ZNF385B: variants seen among roughly 807,000 people sequenced by gnomAD.
ZNF385B encodes zinc finger protein 533.
In ZNF385B, 23 loss-of-function variants were observed where a neutral mutation model predicts 39.2. The observed-to-expected ratio is 0.59, with a 90% confidence interval of 0.42 to 0.83. The LOEUF is 0.83. Ranked by LOEUF, ZNF385B falls within the 40% of genes least tolerant of loss-of-function variation. ZNF385B has a pLI of 0.00. For missense variants in ZNF385B, 552 were observed against 598.9 expected, an observed-to-expected ratio of 0.92 and a Z score of 0.82; for synonymous variants, 205 against 222.6, an observed-to-expected ratio of 0.92 and a Z score of 0.70.
At chr2:179,858,940 G>A (rs1559258082) in intron 1 of ZNF385B, among the ~76,000 whole-genome samples, 1 of 152,184 alleles carries the variant, frequency 6.6e-6, no homozygotes, top group Non-Finnish European at 1.5e-5. Context: ...AAGGGCAGGG[G>A]AGGCGGGGTG....
At chr2:179,854,021 T>C (rs1362784055) in intron 1 of ZNF385B, among the ~76,000 whole-genome samples, 1 of 152,184 alleles carries the variant, frequency 6.6e-6, no homozygotes, top group Non-Finnish European at 1.5e-5. Flanking sequence ...ACATGTGCAA[T>C]GGCTAATTTA....
chr2:179,497,087 A>G (rs546970393), intron 5 of ZNF385B, among the ~76,000 whole-genome samples: 6 of 152,240 alleles, frequency 3.9e-5, no homozygotes, highest in African/African-American at 1.2e-4. Flanking sequence ...AGAAACAAAG[A>G]CTTTCCCAGA....
At chr2:179,514,695 A>C (rs1013940604) in intron 5 of ZNF385B, among the ~76,000 whole-genome samples, 1 of 152,152 alleles carries the variant, frequency 6.6e-6, no homozygotes, top group Non-Finnish European at 1.5e-5. Flanking sequence ...AAAGATATGC[A>C]AAAAAATTAA....
chr2:179,667,221 T>G (rs1695283479), intron 3 of ZNF385B, among the ~76,000 whole-genome samples: 1 of 152,144 alleles, frequency 6.6e-6, no homozygotes, highest in Non-Finnish European at 1.5e-5. Context: ...ATACCTACAT[T>G]AACATTCAGT....
chr2:179,617,862 A>G (rs1163689800), intron 3 of ZNF385B, among the ~76,000 whole-genome samples: 1 of 152,174 alleles, frequency 6.6e-6, no homozygotes. Flanking sequence ...TCTAGAGAGA[A>G]CTACTCTTAA....
intron 3 of ZNF385B, among the ~76,000 whole-genome samples, chr2:179,711,345 T>A (rs1425959640): frequency 6.6e-6 from 1 of 152,176 alleles, no homozygotes; most frequent in Non-Finnish European, 1.5e-5. Flanking sequence ...TATTTTTTTC[T>A]GTTGTTGTAG....
intron 3 of ZNF385B, among the ~76,000 whole-genome samples, chr2:179,734,812 C>A (rs1380074496): frequency 6.6e-6 from 1 of 152,068 alleles, no homozygotes; most frequent in Non-Finnish European, 1.5e-5. Flanking sequence ...ACTAAAAAAG[C>A]CTGTTCCTTA....
At chr2:179,844,015 C>T (rs1708675195) in intron 1 of ZNF385B, among the ~76,000 whole-genome samples, 1 of 152,210 alleles carries the variant, frequency 6.6e-6, no homozygotes, top group Non-Finnish European at 1.5e-5. Context: ...TCCTCTTAAC[C>T]CCCAGAAAGA....
chr2:179,450,692 C>A (rs561437189), intron 6 of ZNF385B, among the ~76,000 whole-genome samples: 2 of 151,790 alleles, frequency 1.3e-5, no homozygotes, highest in Non-Finnish European at 2.9e-5. Flanking sequence ...GTCAGTGTGG[C>A]GATTCCTCAG....
intron 4 of ZNF385B, among the ~76,000 whole-genome samples, chr2:179,528,534 T>G (rs183406141): frequency 6.6e-6 from 1 of 152,250 alleles, no homozygotes; most frequent in African/African-American, 2.4e-5. Flanking sequence ...TTTTCATCTT[T>G]TATACTTTTA....
intron 3 of ZNF385B, among the ~76,000 whole-genome samples, chr2:179,568,913 CTAACT>C (rs1462756790): frequency 1.3e-5 from 2 of 152,168 alleles, no homozygotes; most frequent in Non-Finnish European, 2.9e-5. Context: ...TGAGGATAAA[CTAACT>C]TATTTTTTAA....
chr2:179,695,536 G>C (rs1461787854), intron 3 of ZNF385B, among the ~76,000 whole-genome samples: 2 of 152,040 alleles, frequency 1.3e-5, no homozygotes, highest in Non-Finnish European at 2.9e-5. Context: ...AAATGGGAGA[G>C]AGATTTAAAC....
At chr2:179,660,590 A>G (rs142720512) in intron 3 of ZNF385B, among the ~76,000 whole-genome samples, 52 of 152,248 alleles carry the variant, frequency 3.4e-4, no homozygotes, top group Non-Finnish European at 7.1e-4. Flanking sequence ...TATCTCACCA[A>G]TGATAAGAAA....
chr2:179,591,986 G>A (rs764290937), intron 3 of ZNF385B, among the ~76,000 whole-genome samples: 11 of 151,628 alleles, frequency 7.3e-5, no homozygotes, highest in Non-Finnish European at 1.2e-4. Context: ...GTGAAAATGA[G>A]GTGTTGTTAA....
chr2:179,625,109 T>C (rs16866865), intron 3 of ZNF385B, among the ~76,000 whole-genome samples: 39,522 of 151,812 alleles, frequency 0.26, 5,355 homozygotes, highest in Admixed American at 0.32. Context: ...TTACCTGGAG[T>C]GGTGATGTAG....
At chr2:179,541,883 A>G (rs1179488006) in intron 4 of ZNF385B, among the ~76,000 whole-genome samples, 1 of 152,186 alleles carries the variant, frequency 6.6e-6, no homozygotes, top group East Asian at 1.9e-4. Flanking sequence ...AAAAGACTCA[A>G]GGACGTAAAG....
chr2:179,559,452 A>G (rs944824445), intron 3 of ZNF385B, among the ~76,000 whole-genome samples: 1 of 152,234 alleles, frequency 6.6e-6, no homozygotes, highest in South Asian at 2.1e-4. Flanking sequence ...TGTGCAAAAC[A>G]TCTCCAATGA....
At chr2:179,499,207 C>G (rs571950874) in intron 5 of ZNF385B, among the ~76,000 whole-genome samples, 2 of 151,460 alleles carry the variant, frequency 1.3e-5, no homozygotes, top group South Asian at 4.2e-4. Flanking sequence ...AGCCTGGGAC[C>G]CCATAGCTTC....
chr2:179,570,958 T>C (rs1222539983), intron 3 of ZNF385B, among the ~76,000 whole-genome samples: 1 of 152,232 alleles, frequency 6.6e-6, no homozygotes, highest in African/African-American at 2.4e-5. Flanking sequence ...TAGAAGAGCC[T>C]GTGAGTAAAA....
Sources: allele counts gnomAD v4.1 joint callset (sites outside exome capture counted in the v4.1 genomes callset), GRCh38; gene constraint gnomAD v4.1.1; transcripts MANE v1.5; gene names NCBI Gene and HGNC (gene_info 2026-07-23, HGNC 2026-07-21).